Variants in SUCO observed in about 807,000 individuals in gnomAD.
The protein encoded by SUCO is SUN domain-containing ossification factor.
A neutral mutation model predicts 148.1 loss-of-function variants in SUCO; 57 were observed. The ratio of observed to expected loss-of-function variants is 0.38; its 90% confidence interval spans 0.31 to 0.48. SUCO has a LOEUF of 0.48. Ranked by LOEUF, SUCO falls within the 20% of genes least tolerant of loss-of-function variation. The pLI is 0.96. For synonymous variants in SUCO, 470 were observed against 502.7 expected (o/e 0.93, Z 0.87); for missense variants, 1,331 against 1,468.2 (o/e 0.91, Z 1.53).
At position 172,551,853 on chromosome 1, in the gene SUCO, G is replaced by A; in HGVS notation, c.177+227G>A. On this transcript the variant is annotated intron_variant, in intron 2 of 23. Transcript: ENST00000263688. ...GGAATTTTGTAACATCCTTAGTCCT[G>A]TAGTATAGGGTAGTGCATGTTCAGA... The A allele has an allele frequency of 8.0e-6, 3 of 375,978 alleles. No homozygotes were observed. The South Asian group carries it at 1.0e-4, about 13-fold the overall frequency. The allele number at this position is 375,978 out of a possible 1,614,324, so 23.3% of individuals were successfully genotyped here.
intron 17 of SUCO, among the ~76,000 whole-genome samples, chr1:172,586,314 G>T (rs375730166): frequency 2.0e-5 from 3 of 151,924 alleles, no homozygotes; most frequent in African/African-American, 7.3e-5. Context: ...TAAAAGCATT[G>T]ATCTGTGGTA....
At chr1:172,553,417 C>G in intron 3 of SUCO, 47 bp downstream of exon 3, 1 of 1,358,116 alleles carries the variant, frequency 7.4e-7, no homozygotes, top group Non-Finnish European at 1.0e-6. Flanking sequence ...TTTCAAACTA[C>G]TTTACAAGAT....
intron 1 of SUCO, among the ~76,000 whole-genome samples, chr1:172,534,679 C>G (rs977630838): frequency 6.6e-6 from 1 of 152,166 alleles, no homozygotes; most frequent in African/African-American, 2.4e-5. Context: ...AAAATCCTCC[C>G]CTTTCTACTT....
intron 20 of SUCO, among the ~76,000 whole-genome samples, chr1:172,601,026 CAATTT>C (rs1657479530): frequency 6.6e-6 from 1 of 152,142 alleles, no homozygotes; most frequent in Non-Finnish European, 1.5e-5. Context: ...ACTTCGTAGA[CAATTT>C]AGAGTTTGAA....
At chr1:172,574,445 CT>C (rs562349883) in intron 10 of SUCO, among the ~76,000 whole-genome samples, 24 of 151,854 alleles carry the variant, frequency 1.6e-4, no homozygotes, top group African/African-American at 4.8e-4. Flanking sequence ...TATTCTAAAA[CT>C]TTTTTTGTAC....
chr1:172,557,177 C>G (rs1327997725), intron 4 of SUCO, 103 bp from the exon 5 acceptor site: 143 of 1,424,382 alleles, frequency 1.0e-4, no homozygotes, highest in Non-Finnish European at 1.2e-4. Flanking sequence ...AATTTTCTTT[C>G]TTTGGTTTAC....
intron 6 of SUCO, among the ~76,000 whole-genome samples, chr1:172,563,821 A>G (rs1220342039): frequency 6.6e-6 from 1 of 152,220 alleles, no homozygotes; most frequent in Non-Finnish European, 1.5e-5. Context: ...AGGCACCTTC[A>G]TGGCAGCCCC....
intron 6 of SUCO, among the ~76,000 whole-genome samples, chr1:172,560,625 ATT>A (rs1264704748): frequency 1.3e-5 from 2 of 152,194 alleles, no homozygotes; most frequent in Non-Finnish European, 2.9e-5. Context: ...TCCTGCCAGA[ATT>A]AATCCTATTG....
chr1:172,553,543 A>G (rs1306408680), intron 3 of SUCO, among the ~76,000 whole-genome samples, 173 bp downstream of exon 3: 2 of 152,156 alleles, frequency 1.3e-5, no homozygotes, highest in African/African-American at 4.8e-5. Flanking sequence ...GAGAACATGT[A>G]AAATTACAGA....
chr1:172,573,854 G>T, intron 9 of SUCO, 37 bp from the exon 10 acceptor site: 1 of 1,145,138 alleles, frequency 8.7e-7, no homozygotes, highest in Non-Finnish European at 1.3e-6. Flanking sequence ...CTGTTATTTT[G>T]ATTGGTTTAA....
chr1:172,567,220 A>T (rs1654615720), intron 6 of SUCO, among the ~76,000 whole-genome samples: 1 of 152,266 alleles, frequency 6.6e-6, no homozygotes, highest in Non-Finnish European at 1.5e-5. Context: ...ACTAAATGAG[A>T]CTTATATTGT....
intron 15 of SUCO, among the ~76,000 whole-genome samples, chr1:172,579,773 G>T (rs1010068193): frequency 2.0e-5 from 3 of 152,004 alleles, no homozygotes; most frequent in Non-Finnish European, 4.4e-5. Flanking sequence ...CCAACCTAGT[G>T]GTAGGCTCAC....
Position 172,602,702 on chromosome 1 carries a change from C to T in SUCO, c.3180C>T (p.Phe1060=), listed in dbSNP as rs1364219434. The T allele has an allele frequency of 6.2e-7, 1 of 1,612,222 alleles. No individual in the cohort carries two copies. The highest frequency in any genetic ancestry group is 8.5e-7 in the Non-Finnish European group (1 of 1,179,426). The change falls in exon 22 of 24, where the codon TTC becomes TTT. Residue 1060 remains phenylalanine (F), a synonymous_variant. Transcript: ENST00000263688. ...ATTTTTCCTAATGTGTTAGGTGTTT[C>T]TCTTCCTATGATGATATGAATTTGA... The part of the protein sequence containing the change: ...SNQYPSPKRC[F]SSYDDMNLKR...
intron 9 of SUCO, among the ~76,000 whole-genome samples, chr1:172,572,325 A>G (rs886567283): frequency 7.2e-5 from 11 of 152,018 alleles, no homozygotes; most frequent in African/African-American, 2.2e-4. Flanking sequence ...AGAGGTAGAC[A>G]CGGGAGACTT....
intron 3 of SUCO, among the ~76,000 whole-genome samples, chr1:172,553,575 T>G (rs1428138034): frequency 6.6e-6 from 1 of 152,170 alleles, no homozygotes; most frequent in Non-Finnish European, 1.5e-5. Flanking sequence ...GTGACTAGTC[T>G]CTTGGTAGTA....
At position 172,591,021 on chromosome 1, in the gene SUCO, A is replaced by G. The variant is rs1183935746; in HGVS notation, c.2863A>G (p.Asn955Asp). 1 of 1,612,722 alleles carries G rather than the reference A, an allele frequency of 6.2e-7. No homozygotes were observed. Among genetic ancestry groups the G allele is most frequent in the Non-Finnish European group, 8.5e-7 (1 of 1,179,232 alleles). The stretch of plus-strand genomic sequence containing the variant: ...AATGGAAGAAATGCAAAAGGCTTTC[A>G]ATAAAACAATCGTGAAACTTCAGAA... The part of the protein sequence containing the change: ...KQMEEMQKAF[N>D]KTIVKLQNTS... The change falls in exon 19 of 24, where the codon AAT (asparagine) becomes GAT (aspartate). Residue 955 changes from asparagine to aspartate, a missense_variant. Asn to Asp is a conservative substitution (Grantham distance 23). Coordinates refer to ENST00000263688, the MANE Select transcript of SUCO (RefSeq NM_014283.5).
chr1:172,587,817 A>C (rs1656344853), intron 17 of SUCO, among the ~76,000 whole-genome samples: 1 of 152,046 alleles, frequency 6.6e-6, no homozygotes, highest in Non-Finnish European at 1.5e-5. Context: ...TTGGTATTGA[A>C]ATTACCATAT....
chr1:172,563,566 A>G (rs1466857901), intron 6 of SUCO, among the ~76,000 whole-genome samples: 1 of 152,226 alleles, frequency 6.6e-6, no homozygotes, highest in Non-Finnish European at 1.5e-5. Flanking sequence ...AGTATTCAAG[A>G]TGTGGCCTGG....
chr1:172,535,602 C>T (rs971434643), intron 1 of SUCO, among the ~76,000 whole-genome samples: 2 of 152,174 alleles, frequency 1.3e-5, no homozygotes, highest in Non-Finnish European at 2.9e-5. Context: ...TTCCCTTTAA[C>T]AGAAATGGCT....
Sources: gnomAD v4.1 joint callset for allele counts (sites outside exome capture counted in the v4.1 genomes callset) on GRCh38, gnomAD v4.1.1 for gene constraint, MANE v1.5 for transcripts, NCBI Gene and HGNC (gene_info 2026-07-23, HGNC 2026-07-21) for gene names.